The following LARP1 variants were observed in gnomAD, a reference collection of about 807,000 sequenced individuals.
LARP1 encodes la-related protein 1.
A neutral mutation model predicts 122.7 loss-of-function variants in LARP1; 36 were observed. The ratio of observed to expected loss-of-function variants is 0.29; its 90% CI spans 0.22 to 0.39. The LOEUF (loss-of-function observed/expected upper bound fraction) is 0.39, where lower values mean the gene tolerates loss of function less well. Among genes scored for constraint, LARP1 ranks in the 10% least tolerant of loss-of-function variants. The pLI, the probability that LARP1 is intolerant of heterozygous loss-of-function variation, is 1.00. For missense variants in LARP1, 1,040 were observed against 1,403.6 expected (o/e 0.74, Z 4.14); for synonymous variants, 539 against 528.7 (o/e 1.02, Z -0.27).
intron 16 of LARP1, among the ~76,000 whole-genome samples, chr5:154,810,641 C>T (rs567499823): frequency 1.2e-4 from 18 of 152,056 alleles, no homozygotes; most frequent in African/African-American, 4.1e-4. Flanking sequence ...GCACCCACCA[C>T]CACACCTGGC....
chr5:154,736,145 G>A (rs1756882603), intron 1 of LARP1, among the ~76,000 whole-genome samples: 1 of 150,986 alleles, frequency 6.6e-6, no homozygotes, highest in Non-Finnish European at 1.5e-5. Flanking sequence ...TGCCCAAGCT[G>A]GAGTGCAATG....
intron 14 of LARP1, chr5:154,805,070 A>G (rs986485696): frequency 2.0e-5 from 7 of 347,362 alleles, no homozygotes; most frequent in African/African-American, 1.5e-4. Context: ...TACATACTGT[A>G]TTCTTACAAT....
Position 154,815,308 on chromosome 5 carries a change from C to G in LARP1, c.*1212C>G, listed in dbSNP as rs1759595084. 1 of 152,442 alleles carries G rather than the reference C, an allele frequency of 6.6e-6. No homozygotes were observed. Among genetic ancestry groups the G allele is most frequent in the Non-Finnish European group, 1.5e-5 (1 of 68,048 alleles). 9.4% of individuals were successfully genotyped at this position (152,442 alleles called of 1,614,324 possible). The stretch of plus-strand genomic sequence containing the variant: ...GCTTGCTGTTGCCTCACGCCAGGCC[C>G]CGTCCTGCCGTGACACCCTTCATCC... On this transcript the variant is annotated 3_prime_UTR_variant, in exon 19 of 19. Coordinates refer to ENST00000518297, the MANE Select transcript of LARP1 (RefSeq NM_033551.3).
At position 154,803,715 on chromosome 5, in the gene LARP1, G is replaced by T; in HGVS notation, c.2409G>T (p.Val803=). The change falls in exon 13 of 19, where the codon GTG becomes GTT. Residue 803 remains valine (V), a synonymous_variant. Coordinates refer to ENST00000518297, the MANE Select transcript of LARP1 (RefSeq NM_033551.3). This position sits in a 1 kb window ranked among gnomAD's most constrained non-coding sequence, Gnocchi z 4.4. ...GCCAGACATCACGGTTTTACCCAGT[G>T]GTGAAAGAAGGACGGACACTGGATG... ...DSSQTSRFYP[V]VKEGRTLDAK... The T allele has an allele frequency of 3.7e-6, 6 of 1,614,204 alleles. No individual in the cohort carries two copies. The highest frequency in any genetic ancestry group is 5.1e-6 in the Non-Finnish European group (6 of 1,180,042).
chr5:154,769,004 A>AT, intron 1 of LARP1, among the ~76,000 whole-genome samples: 1 of 151,916 alleles, frequency 6.6e-6, no homozygotes, highest in Non-Finnish European at 1.5e-5. Context: ...CGCCTGGCTA[A>AT]TTTTTTGTAT....
chr5:154,811,769 G>A, intron 18 of LARP1, 129 bp downstream of exon 18: 1 of 1,155,900 alleles, frequency 8.7e-7, no homozygotes, highest in South Asian at 1.5e-5. Context: ...CCACAATTTG[G>A]GCTTTGCTTT....
chr5:154,766,312 A>G (rs1295034481), intron 1 of LARP1, among the ~76,000 whole-genome samples: 1 of 152,236 alleles, frequency 6.6e-6, no homozygotes, highest in Non-Finnish European at 1.5e-5. Context: ...ACATGGCAGA[A>G]CGTCTTGGGT....
chr5:154,724,493 T>G (rs1362949877), intron 1 of LARP1, among the ~76,000 whole-genome samples: 1 of 152,200 alleles, frequency 6.6e-6, no homozygotes, highest in Non-Finnish European at 1.5e-5. Context: ...CTGTTATCCA[T>G]TTGTTTAAAT....
Position 154,803,877 on chromosome 5 carries a change from G to A in LARP1, c.2439+132G>A. ...TTCACCTGCTCTGTGTTCTGAGGCT[G>A]GTGGGCTTACCTAGGATTAGGTAGC... is the stretch of plus-strand genomic sequence containing the variant. On this transcript the variant is annotated intron_variant, in intron 13 of 18. Coordinates refer to ENST00000518297, the MANE Select transcript of LARP1 (RefSeq NM_033551.3). This position sits in a 1 kb window ranked among gnomAD's most constrained non-coding sequence, Gnocchi z 4.4. The A allele has an allele frequency of 1.0e-6, 1 of 989,112 alleles. No individual in the cohort carries two copies. Among genetic ancestry groups the A allele is most frequent in the Non-Finnish European group, 1.5e-6 (1 of 657,762 alleles). The allele number at this position is 989,112 out of a possible 1,614,324, so 61.3% of individuals were successfully genotyped here.
At chr5:154,740,119 C>T (rs369303311) in intron 1 of LARP1, among the ~76,000 whole-genome samples, 19 of 148,688 alleles carry the variant, frequency 1.3e-4, no homozygotes, top group Middle Eastern at 3.6e-3. Flanking sequence ...TAGCTGGGCG[C>T]GGTGGCTCAT....
intron 1 of LARP1, among the ~76,000 whole-genome samples, chr5:154,744,926 C>A (rs1753105144): frequency 8.9e-6 from 1 of 112,000 alleles, no homozygotes; most frequent in African/African-American, 4.2e-5. Context: ...CGTGAGCCAC[C>A]GCGCCCGGCC....
intron 1 of LARP1, among the ~76,000 whole-genome samples, chr5:154,786,895 T>A (rs12186610): frequency 6.6e-6 from 1 of 151,470 alleles, no homozygotes; most frequent in African/African-American, 2.4e-5. Context: ...TTTTTTTTTT[T>A]GGGATGGAAT....
intron 4 of LARP1, 97 bp downstream of exon 4, chr5:154,792,893 C>A: frequency 8.3e-7 from 1 of 1,211,586 alleles, no homozygotes; most frequent in Non-Finnish European, 1.2e-6. Context: ...TAGGTGCCAC[C>A]TCTGAAAAGT....
chr5:154,787,314 A>G lies in LARP1; in HGVS notation c.437-3011A>G, dbSNP rs146665693. Among the ~76,000 whole-genome samples, 3 of 152,276 alleles carry G rather than the reference A, an allele frequency of 2.0e-5. No homozygotes were observed. The East Asian group carries it at 5.8e-4, about 29-fold the overall frequency. On this transcript the variant is annotated intron_variant, in intron 1 of 18. Coordinates refer to ENST00000518297, the MANE Select transcript of LARP1 (RefSeq NM_033551.3). ...TGATTTGGCTGGGATGGTGCTGGAC[A>G]TGGGGATTGGTGCCTGTGCAAAGGA...
Position 154,792,054 on chromosome 5 carries a change from C to T in LARP1, c.565-568C>T, listed in dbSNP as rs576112359. ...CCCCAGCCTGTGTTCTCCATCACTACGCTTGGGTTTTCTGAGTGAAGTAGG... is the reference window on the plus strand; with the variant it reads ...CCCCAGCCTGTGTTCTCCATCACTATGCTTGGGTTTTCTGAGTGAAGTAGG... On this transcript the variant is annotated intron_variant, in intron 3 of 18. Transcript: ENST00000518297. 4.5e-5 allele frequency: 20 copies of T among 439,906 alleles called. No individual in the cohort carries two copies. The East Asian group carries it at 1.1e-3, about 24-fold the overall frequency. The allele number at this position is 439,906 out of a possible 1,614,324, so 27.3% of individuals were successfully genotyped here. A position where few individuals can be genotyped will look rare whatever the true frequency, so the allele number is the denominator to read the frequency against.
intron 1 of LARP1, among the ~76,000 whole-genome samples, chr5:154,740,982 C>A (rs1299268099): frequency 1.3e-5 from 2 of 152,232 alleles, no homozygotes; most frequent in Non-Finnish European, 2.9e-5. Flanking sequence ...CCACCATCCT[C>A]TCCTCAGGGG....
chr5:154,715,642 C>G (rs1755458185), intron 1 of LARP1, among the ~76,000 whole-genome samples: 1 of 152,138 alleles, frequency 6.6e-6, no homozygotes, highest in Admixed American at 6.5e-5. Flanking sequence ...TCAAAATCCT[C>G]CCAAGAGTGA....
rs202094589 is a variant in LARP1 at position 154,790,670 on chromosome 5, A to G, written c.524A>G (p.Asn175Ser). The change falls in exon 3 of 19, where the codon AAT becomes AGT. Residue 175 changes from asparagine to serine, a missense_variant. Asn to Ser is a conservative substitution (Grantham distance 46, BLOSUM62 1). Coordinates refer to ENST00000518297, the MANE Select transcript of LARP1 (RefSeq NM_033551.3). ...SKVGDFGDAI[N>S]WPTPGEIAHK... ...GTTGGTGACTTTGGAGATGCAATCA[A>G]TTGGCCCACACCTGGAGAGATAGCC... is the stretch of plus-strand genomic sequence containing the variant. 4.8e-5 allele frequency: 78 copies of G among 1,614,060 alleles called. No homozygotes were observed. Among genetic ancestry groups the G allele is most frequent in the Non-Finnish European group, 5.4e-5 (64 of 1,180,038 alleles).
chr5:154,767,902 C>CAGG (rs1431559866), intron 1 of LARP1, among the ~76,000 whole-genome samples: 3 of 152,056 alleles, frequency 2.0e-5, no homozygotes, highest in Admixed American at 2.0e-4. Flanking sequence ...ATGTGGGAGA[C>CAGG]AGGAAATCAG....
Sources: gnomAD v4.1 joint callset for allele counts (sites outside exome capture counted in the v4.1 genomes callset) on GRCh38, gnomAD v4.1.1 for gene constraint, Gnocchi (gnomAD v3.1) non-coding constraint, MANE v1.5 for transcripts, NCBI Gene and HGNC (gene_info 2026-07-23, HGNC 2026-07-21) for gene names.